Variants in CACNG6 observed in about 807,000 individuals in gnomAD.
CACNG6 encodes the protein voltage-dependent calcium channel gamma-6 subunit.
In CACNG6, 21 loss-of-function variants were observed where a neutral mutation model predicts 23.9. The ratio of observed to expected loss-of-function variants is 0.88; its 90% CI spans 0.62 to 1.26. CACNG6 has a LOEUF of 1.26. CACNG6 is among the 50% of genes most tolerant of loss of function. The pLI, the probability that CACNG6 is intolerant of heterozygous loss-of-function variation, is 0.00. For missense variants in CACNG6, 340 were observed against 352.9 expected (o/e 0.96, Z 0.29); for synonymous variants, 182 against 168.9 (o/e 1.08, Z -0.60).
chr19:53,992,956 G>C lies in CACNG6; in HGVS notation c.79G>C (p.Gly27Arg). Reference sequence around the variant, plus strand: ...GGGCCGGCGGCGGGCGCACGGGCAGGGCAGGTCGGGGCTGACGCCCGAGCG... The same window carrying C: ...GGGCCGGCGGCGGGCGCACGGGCAGCGCAGGTCGGGGCTGACGCCCGAGCG... ...AAGRRRAHGQ[G>R]RSGLTPEREG... Residue 27 changes from glycine (G) to arginine (R), a missense_variant, in exon 1 of 4, where the codon GGC (glycine) becomes CGC (arginine). By Grantham distance (125) the Gly-to-Arg change is moderately radical. Coordinates refer to ENST00000252729, the MANE Select transcript of CACNG6 (RefSeq NM_145814.2). The surrounding 1 kb of genome is among the most constrained non-coding windows in gnomAD (Gnocchi z 4.1). 1 of 1,419,748 alleles carries C rather than the reference G, an allele frequency of 7.0e-7. No individual in the cohort carries two copies. Among genetic ancestry groups the C allele is most frequent in the Non-Finnish European group, 9.2e-7 (1 of 1,091,488 alleles). The allele number at this position is 1,419,748 out of a possible 1,614,324, so 87.9% of individuals were successfully genotyped here.
At chr19:54,009,746 T>C (rs961090538) in intron 3 of CACNG6, among the ~76,000 whole-genome samples, 2 of 149,774 alleles carry the variant, frequency 1.3e-5, no homozygotes, top group African/African-American at 4.9e-5. Context: ...GGTCTTTCTC[T>C]ATCATGTTCT....
At position 54,011,919 on chromosome 19, in the gene CACNG6, C is replaced by G. The variant is rs113483278; in HGVS notation, c.545-32C>G. 12,963 of 1,401,280 alleles carry G rather than the reference C, an allele frequency of 9.3e-3. 218 individuals carry two copies. Among genetic ancestry groups the G allele is most frequent in the African/African-American group, 0.069 (4,640 of 67,380 alleles). The allele number at this position is 1,401,280 out of a possible 1,614,324, so 86.8% of individuals were successfully genotyped here. A position where few individuals can be genotyped will look rare whatever the true frequency, so the allele number is the denominator to read the frequency against. On this transcript the variant is annotated intron_variant, in intron 3 of 3. Coordinates refer to ENST00000252729, the MANE Select transcript of CACNG6 (RefSeq NM_145814.2). ...GTTCAGACACAGCTGGGGTCGCGGG[C>G]GTCTGACTGCGAGCTGTCCTCTCTC...
chr19:53,992,784 C>T lies in CACNG6; in HGVS notation c.-94C>T, dbSNP rs1292145045. 3.9e-6 allele frequency: 3 copies of T among 771,080 alleles called. No homozygotes were observed. Among genetic ancestry groups the T allele is most frequent in the Non-Finnish European group, 5.6e-6 (3 of 533,108 alleles). 47.8% of individuals were successfully genotyped at this position (771,080 alleles called of 1,614,324 possible). ...ACCCAGGGGAAACTGAGTCCCTCAC[C>T]CCCTTCAAGACCCCAGGCCGCTCCT... is the stretch of plus-strand genomic sequence containing the variant. On this transcript the variant is annotated 5_prime_UTR_variant, in exon 1 of 4. Coordinates refer to ENST00000252729, the MANE Select transcript of CACNG6 (RefSeq NM_145814.2). This position sits in a 1 kb window ranked among gnomAD's most constrained non-coding sequence, Gnocchi z 4.1.
At chr19:53,993,252 C>T in intron 1 of CACNG6, 44 bp downstream of exon 1, 1 of 1,506,206 alleles carries the variant, frequency 6.6e-7, no homozygotes, top group Non-Finnish European at 8.8e-7. Flanking sequence ...GTCCCACGGA[C>T]AGGGAGGGAG....
intron 3 of CACNG6, among the ~76,000 whole-genome samples, chr19:54,001,772 GAGAC>G (rs986836915): frequency 2.0e-5 from 3 of 152,192 alleles, no homozygotes; most frequent in African/African-American, 7.2e-5. Context: ...AGTGTGGAGA[GAGAC>G]AGGGAGACTG....
chr19:54,001,984 A>G (rs552412478), intron 3 of CACNG6, among the ~76,000 whole-genome samples: 7 of 152,160 alleles, frequency 4.6e-5, no homozygotes, highest in African/African-American at 1.7e-4. Context: ...TATTGTGTCC[A>G]TCCTATCCAT....
At chr19:54,010,700 G>T (rs2069696578) in intron 3 of CACNG6, among the ~76,000 whole-genome samples, 1 of 151,872 alleles carries the variant, frequency 6.6e-6, no homozygotes, top group Non-Finnish European at 1.5e-5. Context: ...TCAGCCTCCT[G>T]AGTAGCTGGG....
chr19:53,991,599 T>C (rs1003546095), upstream of CACNG6, among the ~76,000 whole-genome samples: 2 of 3,382 alleles, frequency 5.9e-4, no homozygotes, highest in African/African-American at 9.6e-4. Flanking sequence ...GGGTGGGGGG[T>C]GGGCGGGTGG....
At chr19:53,999,060 C>A (rs1007678816) in intron 2 of CACNG6, among the ~76,000 whole-genome samples, 1 of 152,072 alleles carries the variant, frequency 6.6e-6, no homozygotes, top group Non-Finnish European at 1.5e-5. Context: ...GAAAATTTTT[C>A]ACCATGTTGG....
Position 54,004,338 on chromosome 19 carries a change from TGTG to T in CACNG6, c.544+4568_544+4570del, listed in dbSNP as rs2069613982. Among the ~76,000 whole-genome samples the T allele has an allele frequency of 9.6e-3, 198 of 20,712 alleles. 1 individual carries two copies. The highest frequency in any genetic ancestry group is 0.029 in the South Asian group (10 of 348). The allele number at this position is 20,712 out of a possible 152,430, so 13.6% of individuals were successfully genotyped here. A position where few individuals can be genotyped will look rare whatever the true frequency, so the allele number is the denominator to read the frequency against. ...ACGCCTGGTTAATTTTGTATTTTTG[TGTG>T]TGTGTGTGTGTGTGTGTGTGTGTGT... On this transcript the variant is annotated intron_variant, in intron 3 of 3. Coordinates refer to ENST00000252729, the MANE Select transcript of CACNG6 (RefSeq NM_145814.2).
intron 3 of CACNG6, among the ~76,000 whole-genome samples, chr19:54,002,901 A>G (rs1235999117): frequency 3.3e-5 from 5 of 152,180 alleles, no homozygotes; most frequent in African/African-American, 1.2e-4. Context: ...TAATACATAT[A>G]TCAGCTGTTG....
rs2069655656 is a variant in CACNG6, at chr19:54,007,030, G to GTT, written c.545-4919_545-4918dup. 3.3e-5 allele frequency among the ~76,000 whole-genome samples: 5 copies of GTT among 150,728 alleles called. 1 individual carries two copies. The South Asian group carries it at 1.1e-3, about 32-fold the overall frequency. On this transcript the variant is annotated intron_variant, in intron 3 of 3. Transcript: ENST00000252729. ...TGACTTCGCTTTAACTTAATTATCTGTTTGTGTGTGTGTGTGTTTGTTTTG... is the reference window on the plus strand; with the variant it reads ...TGACTTCGCTTTAACTTAATTATCTGTTTTTGTGTGTGTGTGTGTTTGTTTTG...
intron 3 of CACNG6, among the ~76,000 whole-genome samples, chr19:54,002,283 TG>T (rs374689592): frequency 0.018 from 2,328 of 129,394 alleles, 164 homozygotes; most frequent in African/African-American, 0.063. Context: ...TTGTTTTTTT[TG>T]TTTTTTTTTT....
intron 1 of CACNG6, among the ~76,000 whole-genome samples, chr19:53,995,908 C>T (rs1033851661): frequency 6.6e-6 from 1 of 152,094 alleles, no homozygotes; most frequent in African/African-American, 2.4e-5. Flanking sequence ...GTGATCTGCC[C>T]GCCTCGGCCT....
In CACNG6 at chr19:54,011,993, T is replaced by A. The variant is rs1308221230; in HGVS notation, c.587T>A (p.Val196Glu). The change falls in exon 4 of 4, where the codon GTG (valine) becomes GAG (glutamate). Residue 196 changes from valine (V) to glutamate (E), a missense_variant. Transcript: ENST00000252729. Reference sequence around the variant, plus strand: ...AGCCTGGAGGTGTTCCGGCATTCCGTGAGGGCCCTGCTGCAGAGAGTCAGC... The same window carrying A: ...AGCCTGGAGGTGTTCCGGCATTCCGAGAGGGCCCTGCTGCAGAGAGTCAGC... Reference protein sequence around the residue: ...LVSLEVFRHSVRALLQRVSPE... With the variant: ...LVSLEVFRHSERALLQRVSPE... 8 of 1,594,226 alleles carry A rather than the reference T, an allele frequency of 5.0e-6. No individual in the cohort carries two copies. Among genetic ancestry groups the A allele is most frequent in the Non-Finnish European group, 6.8e-6 (8 of 1,171,288 alleles).
chr19:54,006,271 C>A (rs1266257346), intron 3 of CACNG6, among the ~76,000 whole-genome samples: 1 of 151,174 alleles, frequency 6.6e-6, no homozygotes, highest in Non-Finnish European at 1.5e-5. Context: ...GCCTGGGTGG[C>A]TCTCTATTTA....
chr19:54,011,440 A>AC (rs1365083137), intron 3 of CACNG6, among the ~76,000 whole-genome samples: 1 of 148,814 alleles, frequency 6.7e-6, no homozygotes, highest in East Asian at 2.0e-4. Flanking sequence ...CAAAAAAAAA[A>AC]AAAAAAAAAA....
At chr19:53,998,580 C>T (rs1367151196) in intron 2 of CACNG6, among the ~76,000 whole-genome samples, 4 of 148,364 alleles carry the variant, frequency 2.7e-5, no homozygotes, top group African/African-American at 5.0e-5. Context: ...GGCACAATCT[C>T]GGCTCACTGC....
intron 1 of CACNG6, among the ~76,000 whole-genome samples, chr19:53,996,363 TTCTG>T (rs761398432): frequency 2.0e-5 from 3 of 151,408 alleles, no homozygotes; most frequent in Non-Finnish European, 4.4e-5. Flanking sequence ...TTCTTCCTTT[TTCTG>T]TCTTTCTTAA....
Sources: gnomAD v4.1 joint callset for allele counts (sites outside exome capture counted in the v4.1 genomes callset) on GRCh38, gnomAD v4.1.1 for gene constraint, Gnocchi (gnomAD v3.1) non-coding constraint, MANE v1.5 for transcripts, NCBI Gene and HGNC (gene_info 2026-07-23, HGNC 2026-07-21) for gene names.